GAB1: variants seen among roughly 807,000 people sequenced by gnomAD.
The protein encoded by GAB1 is GRB2-associated-binding protein 1.
A neutral mutation model predicts 66.5 loss-of-function variants in GAB1; 19 were observed. The ratio of observed to expected loss-of-function variants is 0.29; its 90% CI spans 0.20 to 0.42. The LOEUF (loss-of-function observed/expected upper bound fraction) is 0.42. Ranked by LOEUF, GAB1 falls within the 10% of genes least tolerant of loss-of-function variation. The pLI, the probability that GAB1 is intolerant of heterozygous loss-of-function variation, is 1.00. For missense variants in GAB1, 732 were observed against 858.5 expected, an observed-to-expected ratio of 0.85 and a Z score of 1.84; for synonymous variants, 294 against 301.4, an observed-to-expected ratio of 0.98 and a Z score of 0.25.
At chr4:143,431,112 G>T (rs2175346) in intron 2 of GAB1, among the ~76,000 whole-genome samples, 1 of 152,104 alleles carries the variant, frequency 6.6e-6, no homozygotes, top group Non-Finnish European at 1.5e-5. Context: ...CACATATATA[G>T]CTACACAGAC....
intron 8 of GAB1, among the ~76,000 whole-genome samples, chr4:143,464,539 A>AT (rs1344036719): frequency 6.6e-6 from 1 of 152,076 alleles, no homozygotes; most frequent in Non-Finnish European, 1.5e-5. Context: ...CATTTTATAT[A>AT]TTTTTTTAAT....
At chr4:143,457,154 C>A (rs1735232361) in intron 6 of GAB1, among the ~76,000 whole-genome samples, 1 of 152,222 alleles carries the variant, frequency 6.6e-6, no homozygotes, top group Non-Finnish European at 1.5e-5. Context: ...GAGTCTTGTT[C>A]AGGAGGTGCA....
chr4:143,383,285 G>A (rs576542219), intron 1 of GAB1, among the ~76,000 whole-genome samples: 2 of 152,314 alleles, frequency 1.3e-5, no homozygotes, highest in South Asian at 4.1e-4. Flanking sequence ...GACTTGACAT[G>A]CAGTTTAAAA....
At chr4:143,445,207 C>A (rs1476814777) in intron 6 of GAB1, among the ~76,000 whole-genome samples, 1 of 152,176 alleles carries the variant, frequency 6.6e-6, no homozygotes, top group African/African-American at 2.4e-5. Context: ...TACATTCCCA[C>A]CAGCAGTATA....
chr4:143,403,046 G>A (rs1355307969), intron 1 of GAB1, among the ~76,000 whole-genome samples: 2 of 152,216 alleles, frequency 1.3e-5, no homozygotes, highest in Non-Finnish European at 2.9e-5. Context: ...AAGCAGATGA[G>A]TGTGTAAGTT....
At chr4:143,384,729 G>T (rs1224885076) in intron 1 of GAB1, among the ~76,000 whole-genome samples, 1 of 152,188 alleles carries the variant, frequency 6.6e-6, no homozygotes, top group Non-Finnish European at 1.5e-5. Flanking sequence ...TGTAGCAAGT[G>T]TCCAGGCAGT....
chr4:143,463,364 G>A (rs1301351313), intron 8 of GAB1, among the ~76,000 whole-genome samples: 1 of 152,086 alleles, frequency 6.6e-6, no homozygotes, highest in Non-Finnish European at 1.5e-5. Context: ...GCTCACACCT[G>A]TAATCCCAGC....
intron 1 of GAB1, among the ~76,000 whole-genome samples, chr4:143,386,883 A>G (rs1229655153): frequency 6.6e-6 from 1 of 152,198 alleles, no homozygotes; most frequent in Non-Finnish European, 1.5e-5. Flanking sequence ...TGCAGAGATC[A>G]TATGGCCTGC....
At chr4:143,369,924 A>G (rs376580316) in intron 1 of GAB1, among the ~76,000 whole-genome samples, 16 of 152,364 alleles carry the variant, frequency 1.1e-4, no homozygotes, top group South Asian at 4.1e-4. Flanking sequence ...AAATTAATGA[A>G]TAAGAGTTAC....
At chr4:143,349,520 G>T (rs1227977064) in intron 1 of GAB1, 6 of 1,528,736 alleles carry the variant, frequency 3.9e-6, no homozygotes, top group Non-Finnish European at 5.3e-6. Context: ...ATCATGAGCA[G>T]CTTCTTAGGC....
intron 1 of GAB1, among the ~76,000 whole-genome samples, chr4:143,378,629 GTCTCTCTCTCTCTCTCTCTCTCTCTC>G (rs3049720): frequency 1.5e-5 from 2 of 129,150 alleles, no homozygotes; most frequent in African/African-American, 5.9e-5. Flanking sequence ...CTTCCAAAGT[GTCTCTCTCTCTCTCTCTCTCTCTCTC>G]TCTCTCTCTC....
rs1487162437 is a variant in GAB1 at position 143,349,860 on chromosome 4, C to T, written c.72+12600C>T. The T allele has an allele frequency of 3.2e-6, 5 of 1,584,092 alleles. No individual in the cohort carries two copies. The East Asian group carries it at 1.1e-4, about 35-fold the overall frequency. On this transcript the variant is annotated intron_variant, in intron 1 of 9. Transcript: ENST00000262994. ...TCAAAACCTCATCCTTGAGAGAGGC[C>T]CCCAGGAAAAAGTCAATGATCTCTG... is the stretch of plus-strand genomic sequence containing the variant.
At chr4:143,454,896 C>G (rs1333559804) in intron 6 of GAB1, among the ~76,000 whole-genome samples, 1 of 151,250 alleles carries the variant, frequency 6.6e-6, no homozygotes, top group Non-Finnish European at 1.5e-5. Context: ...CTGAGTTTCT[C>G]TCTCTTTTTT....
Position 143,348,698 on chromosome 4 carries a change from C to T in GAB1, c.72+11438C>T, listed in dbSNP as rs778546791. ...TCCATAGCTCGAAGCTGTTCTGCCG[C>T]GCTCTTTTGCTCTTCGGAGTGCCTC... On this transcript the variant is annotated intron_variant, in intron 1 of 9. Transcript: ENST00000262994. 6.8e-4 allele frequency among the ~76,000 whole-genome samples: 103 copies of T among 152,326 alleles called. 1 individual carries two copies. Among genetic ancestry groups the T allele is most frequent in the Non-Finnish European group, 1.0e-3 (71 of 68,018 alleles).
intron 6 of GAB1, among the ~76,000 whole-genome samples, chr4:143,452,795 C>G (rs1236737680): frequency 2.0e-5 from 3 of 152,154 alleles, no homozygotes; most frequent in Non-Finnish European, 4.4e-5. Flanking sequence ...TTTGTTCAAA[C>G]CAAGTCTAGC....
intron 6 of GAB1, among the ~76,000 whole-genome samples, chr4:143,445,482 A>G (rs1440752554): frequency 6.6e-6 from 1 of 152,038 alleles, no homozygotes; most frequent in Non-Finnish European, 1.5e-5. Flanking sequence ...TGGATTCTGG[A>G]TATTACCTCT....
At chr4:143,395,764 A>G in intron 1 of GAB1, 2 of 384,980 alleles carry the variant, frequency 5.2e-6, no homozygotes, top group Non-Finnish European at 1.0e-5. Flanking sequence ...GTTATTAGCC[A>G]TTATGCTGTG....
chr4:143,441,016 A>G (rs1199348475), intron 6 of GAB1, among the ~76,000 whole-genome samples: 3 of 152,192 alleles, frequency 2.0e-5, no homozygotes, highest in Non-Finnish European at 4.4e-5. Flanking sequence ...TAATCTTTCC[A>G]TTCTGTTCAT....
chr4:143,337,277 G>A lies in GAB1; in HGVS notation c.72+17G>A, dbSNP rs370794473. 4.5e-6 allele frequency: 7 copies of A among 1,564,240 alleles called. No individual in the cohort carries two copies. The highest frequency in any genetic ancestry group is 2.3e-5 in the South Asian group (2 of 85,314). On this transcript the variant is annotated intron_variant, in intron 1 of 9. Coordinates refer to ENST00000262994, the MANE Select transcript of GAB1 (RefSeq NM_002039.4). ...AAGCGTTATGTAAGTAGAGCTGCGG[G>A]CACCACTCCGCGGGCCTCGGCGTCC...
Sources: gnomAD v4.1 joint callset for allele counts (sites outside exome capture counted in the v4.1 genomes callset) on GRCh38, gnomAD v4.1.1 for gene constraint, MANE v1.5 for transcripts, NCBI Gene and HGNC (gene_info 2026-07-23, HGNC 2026-07-21) for gene names.